The following HERC2 variants were observed in gnomAD, a reference collection of about 807,000 sequenced individuals.
The protein encoded by HERC2 is E3 ubiquitin-protein ligase HERC2.
A neutral mutation model predicts 537.7 loss-of-function variants in HERC2; 102 were observed. The observed-to-expected ratio is 0.19, with a 90% CI of 0.16 to 0.22. The LOEUF is 0.22. Among genes scored for constraint, HERC2 ranks in the 10% least tolerant of loss-of-function variants. The pLI is 1.00. For synonymous variants in HERC2, 2,224 were observed against 2,466.2 expected, an observed-to-expected ratio of 0.90 and a Z score of 2.91; for missense variants, 4,236 against 6,198.2, an observed-to-expected ratio of 0.68 and a Z score of 10.63.
In HERC2 at chr15:28,142,357, T is replaced by C; in HGVS notation, c.11581A>G (p.Thr3861Ala). The stretch of plus-strand genomic sequence containing the variant: ...TGCGTCTCGGCACAGCAAGGCAGAG[T>C]GTCCAGCTCCAGGTCACAAGCAAGA... Reference protein sequence around the residue: ...VALACDLELDTLPCCAETHKW... With the variant: ...VALACDLELDALPCCAETHKW... Residue 3861 changes from threonine (T) to alanine (A), a missense_variant, in exon 76 of 93, where the codon ACT becomes GCT. Transcript: ENST00000261609. 5 of 1,613,870 alleles carry C rather than the reference T, an allele frequency of 3.1e-6. No individual in the cohort carries two copies. The highest frequency in any genetic ancestry group is 4.2e-6 in the Non-Finnish European group (5 of 1,179,946).
At chr15:28,218,907 G>T (rs925609395) in intron 37 of HERC2, among the ~76,000 whole-genome samples, 1 of 151,964 alleles carries the variant, frequency 6.6e-6, no homozygotes, top group African/African-American at 2.4e-5. Context: ...ATAGCTCACT[G>T]CAGCTTTGAC....
chr15:28,249,258 A>C lies in HERC2; in HGVS notation c.3051-522T>G, dbSNP rs79487420. Among the ~76,000 whole-genome samples the C allele has an allele frequency of 1.7e-3, 253 of 152,208 alleles. 1 individual carries two copies. The highest frequency in any genetic ancestry group is 5.9e-3 in the African/African-American group (246 of 41,538). ...CCTTGCAAGTCCACCTTGAGCCCTT[A>C]CTCGCAAGCAGCACTGGGGTGGGCC... On this transcript the variant is annotated intron_variant, in intron 20 of 92. Coordinates refer to ENST00000261609, the MANE Select transcript of HERC2 (RefSeq NM_004667.6).
chr15:28,295,403 A>G (rs2076441026), intron 3 of HERC2, among the ~76,000 whole-genome samples: 2 of 152,100 alleles, frequency 1.3e-5, no homozygotes, highest in South Asian at 4.1e-4. Flanking sequence ...ATGGTCTGAA[A>G]ACAGGGAAAG....
At chr15:28,278,027 G>A (rs139632748) in intron 5 of HERC2, among the ~76,000 whole-genome samples, 2 of 151,956 alleles carry the variant, frequency 1.3e-5, no homozygotes, top group East Asian at 1.9e-4. Context: ...AGGTCAAGGC[G>A]AGAGGGTTGC....
intron 69 of HERC2, among the ~76,000 whole-genome samples, chr15:28,153,836 G>A (rs1461977615): frequency 6.6e-6 from 1 of 152,086 alleles, no homozygotes; most frequent in Non-Finnish European, 1.5e-5. Context: ...CACCCAGTAG[G>A]TGAAAATGAC....
rs1231853444 is a variant in HERC2, at chr15:28,270,927, A to G, written c.1084-59T>C. ...GGTGGGAAAAATTAAAGTTAACACAATTAACCTTTACCCACGCTTTATATT... is the reference window on the plus strand; with the variant it reads ...GGTGGGAAAAATTAAAGTTAACACAGTTAACCTTTACCCACGCTTTATATT... On this transcript the variant is annotated intron_variant, in intron 9 of 92. Transcript: ENST00000261609. 3 of 1,463,588 alleles carry G rather than the reference A, an allele frequency of 2.0e-6. No individual in the cohort carries two copies. The African/African-American group carries it at 4.2e-5, about 20-fold the overall frequency. 90.7% of individuals were successfully genotyped at this position (1,463,588 alleles called of 1,614,324 possible). A position where few individuals can be genotyped will look rare whatever the true frequency, so the allele number is the denominator to read the frequency against.
intron 23 of HERC2, among the ~76,000 whole-genome samples, chr15:28,242,264 C>A (rs1268678901): frequency 3.9e-5 from 6 of 152,106 alleles, no homozygotes; most frequent in African/African-American, 2.4e-5. Context: ...TGTATTAATG[C>A]CACTAAATGG....
intron 84 of HERC2, among the ~76,000 whole-genome samples, chr15:28,124,777 T>C (rs6497274): frequency 0.85 from 129,334 of 152,284 alleles, 58,364 homozygotes; most frequent in Non-Finnish European, 0.99. Flanking sequence ...CCTGAACTCC[T>C]GAGTTCAAGC....
chr15:28,261,575 C>T (rs939485430), intron 15 of HERC2, among the ~76,000 whole-genome samples: 1 of 152,088 alleles, frequency 6.6e-6, no homozygotes, highest in African/African-American at 2.4e-5. Flanking sequence ...AAGTTAACAT[C>T]AGCAACAAAA....
Position 28,214,657 on chromosome 15 carries a change from CT to C in HERC2, c.6355del (p.Arg2119GlufsTer5). 6.2e-7 allele frequency: 1 copy of C among 1,611,992 alleles called. No homozygotes were observed. The highest frequency in any genetic ancestry group is 8.5e-7 in the Non-Finnish European group (1 of 1,179,838). On this transcript the variant is annotated frameshift_variant, in exon 40 of 93. Transcript: ENST00000261609. LOFTEE classifies it high-confidence loss of function. ...AGGGAAGGTAGACGGCCACCCACCT[CT>C]GAGTAATGGCACGTCAGAGGAGCAG... ...TTCSSDVPLL[R>X]ESTLRRRRVR... is the part of the protein sequence containing the mutation.
intron 28 of HERC2, 30 bp downstream of exon 28, chr15:28,233,634 C>T: frequency 6.2e-7 from 1 of 1,613,664 alleles, no homozygotes. Flanking sequence ...CTGCAGTGTA[C>T]CTAAAGTACA....
intron 2 of HERC2, among the ~76,000 whole-genome samples, chr15:28,318,373 T>A (rs2077145686): frequency 6.6e-6 from 1 of 152,162 alleles, no homozygotes; most frequent in Non-Finnish European, 1.5e-5. Flanking sequence ...ACGCCTATAA[T>A]CCCAGCACTT....
rs1471868135 is a variant in HERC2, at chr15:28,274,223, G to A, written c.800+68C>T. ...CTAGGCTTCTTAGCTCTAAAGCAAG[G>A]GTGGTAAGAACCAGCCTCAAGCAGG... On this transcript the variant is annotated intron_variant, in intron 7 of 92. Transcript: ENST00000261609. 31 of 1,537,108 alleles carry A rather than the reference G, an allele frequency of 2.0e-5. No homozygotes were observed. The East Asian group carries it at 6.0e-4, about 30-fold the overall frequency.
rs1342843847 is a variant in HERC2 at position 28,273,070 on chromosome 15, A to T, written c.801-66T>A. The T allele has an allele frequency of 8.8e-6, 10 of 1,132,186 alleles. No homozygotes were observed. In the East Asian group the frequency reaches 2.1e-4, roughly 24 times the overall value. The allele number at this position is 1,132,186 out of a possible 1,614,324, so 70.1% of individuals were successfully genotyped here. ...AGAAAGACAGCATGCTTACAATCACACTAACACATTTACTACACGCTCCCT... is the reference window on the plus strand; with the variant it reads ...AGAAAGACAGCATGCTTACAATCACTCTAACACATTTACTACACGCTCCCT... On this transcript the variant is annotated intron_variant, in intron 7 of 92. Coordinates refer to ENST00000261609, the MANE Select transcript of HERC2 (RefSeq NM_004667.6).
intron 45 of HERC2, among the ~76,000 whole-genome samples, chr15:28,204,991 T>C (rs1034222763): frequency 6.6e-6 from 1 of 151,976 alleles, no homozygotes; most frequent in East Asian, 1.9e-4. Flanking sequence ...AAGCCAAAGA[T>C]GCAAGCAGCT....
chr15:28,190,781 C>A, intron 55 of HERC2, 184 bp downstream of exon 55: 1 of 598,500 alleles, frequency 1.7e-6, no homozygotes, highest in Admixed American at 3.0e-5. Context: ...TCAAGCTGAA[C>A]TGATAAGCAG....
Position 28,198,585 on chromosome 15 carries a change from C to A in HERC2, c.7885+16G>T. On this transcript the variant is annotated intron_variant, in intron 49 of 92. Coordinates refer to ENST00000261609, the MANE Select transcript of HERC2 (RefSeq NM_004667.6). Reference sequence around the variant, plus strand: ...TCTAAGAAAAAACAAAAGCACTGAACAAAGAATGTGCTCACCTATAAGTTC... The same window carrying A: ...TCTAAGAAAAAACAAAAGCACTGAAAAAAGAATGTGCTCACCTATAAGTTC... The A allele has an allele frequency of 6.2e-7, 1 of 1,610,318 alleles. No individual in the cohort carries two copies. Among genetic ancestry groups the A allele is most frequent in the African/African-American group, 1.3e-5 (1 of 74,866 alleles).
chr15:28,130,261 T>A lies in HERC2; in HGVS notation c.12704A>T (p.Asp4235Val), dbSNP rs765948311. The A allele has an allele frequency of 6.2e-7, 1 of 1,614,126 alleles. No homozygotes were observed. The highest frequency in any genetic ancestry group is 1.1e-5 in the South Asian group (1 of 91,078). ...GACCTGCCGAGGCCTTCGAACATGG[T>A]CATCTGATCCATGGCCCAACCTGTG... is the stretch of plus-strand genomic sequence containing the variant. ...DYHRLGHGSD[D>V]HVRRPRQVQG... is the part of the protein sequence containing the mutation. Residue 4235 changes from aspartate (D) to valine (V), a missense_variant, in exon 83 of 93, where the codon GAC becomes GTC. By Grantham distance (152) the Asp-to-Val change is radical. This residue lies in a region of HERC2 where 189 missense variants were observed against 255.7 expected (regional missense o/e 0.74). Transcript: ENST00000261609.
chr15:28,272,431 C>T (rs141410978), intron 8 of HERC2, 45 bp from the exon 9 acceptor site: 1 of 1,522,446 alleles, frequency 6.6e-7, no homozygotes, highest in South Asian at 1.2e-5. Context: ...AGATTAACTT[C>T]TTTTCTTCAC....
Sources: gnomAD v4.1 joint callset for allele counts (sites outside exome capture counted in the v4.1 genomes callset) on GRCh38, gnomAD v4.1.1 for gene constraint, gnomAD v4.1.1 regional missense constraint, MANE v1.5 for transcripts, NCBI Gene and HGNC (gene_info 2026-07-23, HGNC 2026-07-21) for gene names.